RARB: variants seen among roughly 807,000 people sequenced by gnomAD.
RARB encodes retinoic acid receptor beta.
A neutral mutation model predicts 51.9 loss-of-function variants in RARB; 17 were observed. That is an observed-to-expected ratio of 0.33 (90% CI 0.22 to 0.49). RARB has a LOEUF of 0.49. Ranked by LOEUF, RARB falls within the 20% of genes least tolerant of loss-of-function variation. The probability of loss-of-function intolerance (pLI) is 0.99; values close to 1 mark genes in which losing one functional copy is unlikely to be tolerated. For missense variants in RARB, 369 were observed against 550.8 expected, an observed-to-expected ratio of 0.67 and a Z score of 3.30; for synonymous variants, 215 against 195.4, an observed-to-expected ratio of 1.10 and a Z score of -0.84.
chr3:25,319,900 A>T (rs1309161247), intron 5 of RARB, among the ~76,000 whole-genome samples: 1 of 152,182 alleles, frequency 6.6e-6, no homozygotes, highest in African/African-American at 2.4e-5. Flanking sequence ...ACTATTCATG[A>T]GAAAAAGTAA....
At chr3:25,339,494 C>G (rs1705159426) in intron 5 of RARB, among the ~76,000 whole-genome samples, 1 of 152,094 alleles carries the variant, frequency 6.6e-6, no homozygotes, top group South Asian at 2.1e-4. Context: ...GCGCGGGAGT[C>G]TCTGAGTCTA....
chr3:25,566,766 G>T (rs901153093), intron 3 of RARB, among the ~76,000 whole-genome samples: 1 of 152,222 alleles, frequency 6.6e-6, no homozygotes, highest in Non-Finnish European at 1.5e-5. Flanking sequence ...GCAGACACAG[G>T]TCCTGCAGAC....
At chr3:25,300,256 T>A (rs961775378) in intron 5 of RARB, among the ~76,000 whole-genome samples, 7 of 152,210 alleles carry the variant, frequency 4.6e-5, no homozygotes, top group Admixed American at 2.6e-4. Flanking sequence ...CACTGATGCA[T>A]AACTCCTCAA....
At chr3:25,224,497 T>C (rs1293544240) in intron 5 of RARB, among the ~76,000 whole-genome samples, 1 of 152,216 alleles carries the variant, frequency 6.6e-6, no homozygotes, top group Non-Finnish European at 1.5e-5. Context: ...CTATTAATTA[T>C]ATGCCTTAAA....
At chr3:24,868,811 A>G (rs1349565375) in intron 2 of RARB, among the ~76,000 whole-genome samples, 1 of 152,180 alleles carries the variant, frequency 6.6e-6, no homozygotes, top group Non-Finnish European at 1.5e-5. Context: ...CTAACAGAAA[A>G]TCTTTATCTA....
chr3:24,958,340 C>T (rs1575091452), intron 2 of RARB, among the ~76,000 whole-genome samples: 1 of 126,974 alleles, frequency 7.9e-6, no homozygotes, highest in South Asian at 2.8e-4. Flanking sequence ...TTACTCAAAA[C>T]TCATTCTCCT....
chr3:25,400,383 T>G (rs1289574233), intron 5 of RARB, among the ~76,000 whole-genome samples: 3 of 152,204 alleles, frequency 2.0e-5, no homozygotes, highest in Non-Finnish European at 4.4e-5. Context: ...ACTCATGATC[T>G]GGTAAGGGGA....
At chr3:24,882,595 C>T (rs745477724) in intron 2 of RARB, among the ~76,000 whole-genome samples, 1 of 152,172 alleles carries the variant, frequency 6.6e-6, no homozygotes, top group Non-Finnish European at 1.5e-5. Context: ...TCCATTTCAA[C>T]TTCAATATTT....
At chr3:25,223,832 G>A (rs541607256) in intron 5 of RARB, among the ~76,000 whole-genome samples, 1 of 152,268 alleles carries the variant, frequency 6.6e-6, no homozygotes, top group Admixed American at 6.5e-5. Context: ...TATCACCCGA[G>A]TATTTTAAAT....
chr3:24,916,508 T>A (rs1425597375), intron 2 of RARB, among the ~76,000 whole-genome samples: 1 of 152,166 alleles, frequency 6.6e-6, no homozygotes, highest in Non-Finnish European at 1.5e-5. Context: ...CTACTCCCTC[T>A]AGGTATATTG....
At chr3:25,191,136 G>C (rs1701093828) in intron 5 of RARB, among the ~76,000 whole-genome samples, 1 of 151,882 alleles carries the variant, frequency 6.6e-6, no homozygotes, top group African/African-American at 2.4e-5. Flanking sequence ...GTATTAAAAG[G>C]GCATTTTAGT....
chr3:25,279,796 A>G (rs1441236165), intron 5 of RARB, among the ~76,000 whole-genome samples: 2 of 152,102 alleles, frequency 1.3e-5, no homozygotes, highest in African/African-American at 4.8e-5. Flanking sequence ...TTGTAATATC[A>G]CTGTGGGTAA....
intron 5 of RARB, among the ~76,000 whole-genome samples, chr3:25,384,066 A>G (rs1706715819): frequency 1.3e-5 from 2 of 152,336 alleles, no homozygotes; most frequent in Admixed American, 1.3e-4. Context: ...AAAAAACAGA[A>G]ACATAATTTA....
chr3:24,978,104 C>T (rs1696559224), intron 2 of RARB, among the ~76,000 whole-genome samples: 1 of 152,184 alleles, frequency 6.6e-6, no homozygotes, highest in African/African-American at 2.4e-5. Flanking sequence ...ATGGAGCCCA[C>T]TTGATCATGG....
rs559567034 is a variant in RARB at position 24,960,652 on chromosome 3, A to G, written c.-379-99473A>G. Among the ~76,000 whole-genome samples, 22 of 152,350 alleles carry G rather than the reference A, an allele frequency of 1.4e-4. No homozygotes were observed. In the South Asian group the frequency reaches 2.7e-3, roughly 19 times the overall value. ...TCCTTCTGATTAAAACAAAACCAGA[A>G]TAAAATGCTGTGAATGGAATGATTT... On this transcript the variant is annotated intron_variant, in intron 2 of 11. Transcript: ENST00000383772.
intron 2 of RARB, among the ~76,000 whole-genome samples, chr3:24,885,349 G>A (rs1703247696): frequency 6.6e-6 from 1 of 152,188 alleles, no homozygotes; most frequent in Non-Finnish European, 1.5e-5. Flanking sequence ...AATGGAGATT[G>A]TGAGGCCTTT....
chr3:24,949,342 T>C (rs147440495), intron 2 of RARB, among the ~76,000 whole-genome samples: 1 of 152,170 alleles, frequency 6.6e-6, no homozygotes, highest in African/African-American at 2.4e-5. Flanking sequence ...CAGGAAAAAA[T>C]ATAATTACCC....
intron 5 of RARB, among the ~76,000 whole-genome samples, chr3:25,420,590 C>G (rs1462761594): frequency 6.6e-6 from 1 of 152,194 alleles, no homozygotes; most frequent in Admixed American, 6.5e-5. Flanking sequence ...GAGAAAGATA[C>G]ATGCATGATC....
At chr3:25,513,596 A>G (rs1698012919) in intron 3 of RARB, among the ~76,000 whole-genome samples, 1 of 151,446 alleles carries the variant, frequency 6.6e-6, no homozygotes, top group African/African-American at 2.4e-5. Flanking sequence ...TGTTTTTTCC[A>G]TGGTGGATGT....
Sources: gnomAD v4.1 joint callset for allele counts (sites outside exome capture counted in the v4.1 genomes callset) on GRCh38, gnomAD v4.1.1 for gene constraint, MANE v1.5 for transcripts, NCBI Gene and HGNC (gene_info 2026-07-23, HGNC 2026-07-21) for gene names.